Variants in LGSN observed in about 807,000 individuals in gnomAD.
LGSN encodes lengsin.
In LGSN, 21 loss-of-function variants were observed where a neutral mutation model predicts 19.5. The observed-to-expected ratio is 1.07, with a 90% CI of 0.76 to 1.55. LGSN has a LOEUF of 1.55. Ranked by LOEUF, LGSN falls within the 40% of genes most tolerant of loss-of-function variation. The pLI, the probability that LGSN is intolerant of heterozygous loss-of-function variation, is 0.00. For missense variants in LGSN, 673 were observed against 608.5 expected (o/e 1.11, Z -1.12); for synonymous variants, 257 against 215.6 (o/e 1.19, Z -1.68).
At chr6:63,572,832 C>CG in the LGSN span, 2 of 395,246 alleles carry the variant, frequency 5.1e-6, no homozygotes, top group African/African-American at 4.1e-5. Flanking sequence ...CCCCGGGTTG[C>CG]GGTTCCGGTG....
At chr6:63,556,284 G>A in the LGSN span, among the ~76,000 whole-genome samples, 1 of 151,890 alleles carries the variant, frequency 6.6e-6, no homozygotes, top group African/African-American at 2.4e-5. Context: ...TCAGCCTCCA[G>A]AGTAGCTAGG....
chr6:63,333,522 C>T, the LGSN span, among the ~76,000 whole-genome samples: 2 of 120,660 alleles, frequency 1.7e-5, no homozygotes, highest in East Asian at 2.6e-4. Flanking sequence ...AACAAAAGAA[C>T]AAAAGAATGA....
chr6:63,357,518 G>A, the LGSN span, among the ~76,000 whole-genome samples: 2 of 152,020 alleles, frequency 1.3e-5, no homozygotes, highest in African/African-American at 2.4e-5. Flanking sequence ...TTTAATGATC[G>A]CCATTCTAAC....
At chr6:63,311,990 T>C (rs946472636) in intron 1 of LGSN, among the ~76,000 whole-genome samples, 2 of 152,206 alleles carry the variant, frequency 1.3e-5, no homozygotes, top group East Asian at 3.8e-4. Flanking sequence ...ATGAAGTATG[T>C]GTCTTTCTGT....
At chr6:63,418,933 A>G in the LGSN span, among the ~76,000 whole-genome samples, 1 of 150,904 alleles carries the variant, frequency 6.6e-6, no homozygotes, top group South Asian at 2.1e-4. Flanking sequence ...CATGAGGGGA[A>G]CTTTGACTCC....
At chr6:63,413,050 G>T in the LGSN span, among the ~76,000 whole-genome samples, 1 of 152,082 alleles carries the variant, frequency 6.6e-6, no homozygotes, top group African/African-American at 2.4e-5. Flanking sequence ...AACAATACAT[G>T]GGGTATCATA....
At chr6:63,472,240 C>T in the LGSN span, among the ~76,000 whole-genome samples, 52 of 152,292 alleles carry the variant, frequency 3.4e-4, no homozygotes, top group African/African-American at 1.2e-3. Flanking sequence ...TTGGTTGAAT[C>T]GGGACTGGTC....
intron 3 of LGSN, among the ~76,000 whole-genome samples, chr6:63,283,048 T>C (rs1423818110): frequency 1.3e-5 from 2 of 152,192 alleles, no homozygotes; most frequent in Non-Finnish European, 2.9e-5. Flanking sequence ...AGAGAACAGC[T>C]GGTTGCCATT....
the LGSN span, among the ~76,000 whole-genome samples, chr6:63,476,833 C>A: frequency 5.3e-5 from 8 of 152,166 alleles, no homozygotes; most frequent in Non-Finnish European, 8.8e-5. Context: ...GAAATTAGAT[C>A]CAATCGTCTA....
In LGSN at chr6:63,280,425, G is replaced by T. The variant is rs753691249; in HGVS notation, c.1126C>A (p.Leu376Met). 5 of 1,614,180 alleles carry T rather than the reference G, an allele frequency of 3.1e-6. No individual in the cohort carries two copies. The highest frequency in any genetic ancestry group is 1.7e-5 in the Admixed American group (1 of 60,024). Reference sequence around the variant, plus strand: ...CATGTTGTAGGCACACTCTTCTTCAGGTCTTTCCTGTCCTTGGAATAACGC... The same window carrying T: ...CATGTTGTAGGCACACTCTTCTTCATGTCTTTCCTGTCCTTGGAATAACGC... ...RKRYSKDRKD[L>M]KKSVPTTWGY... is the part of the protein sequence containing the mutation. The change falls in exon 4 of 4, where the codon CTG (leucine) becomes ATG (methionine). Residue 376 changes from leucine (L) to methionine (M), a missense_variant. Leu to Met is a conservative substitution (Grantham distance 15, BLOSUM62 2). Transcript: ENST00000370657.
At chr6:63,384,152 T>C in the LGSN span, among the ~76,000 whole-genome samples, 1 of 152,174 alleles carries the variant, frequency 6.6e-6, no homozygotes, top group Non-Finnish European at 1.5e-5. Context: ...CTAGAAGTCC[T>C]CCCCAGTTTT....
the LGSN span, among the ~76,000 whole-genome samples, chr6:63,465,424 C>T: frequency 4.6e-5 from 7 of 152,082 alleles, no homozygotes; most frequent in Non-Finnish European, 7.3e-5. Context: ...TCAAGTGATA[C>T]GCCCACCCTG....
At chr6:63,487,993 A>G in the LGSN span, among the ~76,000 whole-genome samples, 1 of 151,920 alleles carries the variant, frequency 6.6e-6, no homozygotes, top group Non-Finnish European at 1.5e-5. Flanking sequence ...AAAATAAAAA[A>G]TCTACTAGCT....
chr6:63,295,670 A>G (rs1192565661), intron 1 of LGSN, among the ~76,000 whole-genome samples: 1 of 152,232 alleles, frequency 6.6e-6, no homozygotes, highest in Non-Finnish European at 1.5e-5. Context: ...TGCATTCAAA[A>G]CAAAATAACC....
chr6:63,306,021 C>T (rs548901718), intron 1 of LGSN, among the ~76,000 whole-genome samples: 2 of 152,172 alleles, frequency 1.3e-5, no homozygotes, highest in South Asian at 2.1e-4. Flanking sequence ...GAGCCAAGAT[C>T]GCACCACTGC....
chr6:63,526,576 G>A, the LGSN span, among the ~76,000 whole-genome samples: 5 of 151,596 alleles, frequency 3.3e-5, no homozygotes, highest in East Asian at 7.8e-4. Context: ...TTGGGAGACC[G>A]AGGCAGGCGG....
At chr6:63,493,972 C>T in the LGSN span, among the ~76,000 whole-genome samples, 5 of 128,928 alleles carry the variant, frequency 3.9e-5, no homozygotes, top group African/African-American at 6.3e-5. Flanking sequence ...TTTTTTGAGA[C>T]GGAGTCTTGC....
chr6:63,446,272 T>C, the LGSN span, among the ~76,000 whole-genome samples: 1 of 136,050 alleles, frequency 7.4e-6, no homozygotes, highest in Admixed American at 7.5e-5. Context: ...AAACGAACAG[T>C]GTACATGATG....
chr6:63,422,125 G>A, the LGSN span, among the ~76,000 whole-genome samples: 2 of 152,096 alleles, frequency 1.3e-5, no homozygotes, highest in African/African-American at 2.4e-5. Flanking sequence ...GTTCAGTGGC[G>A]TGATCTCAGC....
Sources: allele counts gnomAD v4.1 joint callset (sites outside exome capture counted in the v4.1 genomes callset), GRCh38; gene constraint gnomAD v4.1.1; transcripts MANE v1.5; gene names NCBI Gene and HGNC (gene_info 2026-07-23, HGNC 2026-07-21).